MAP4K4: variants seen among roughly 807,000 people sequenced by gnomAD.
MAP4K4 encodes the protein mitogen-activated protein kinase kinase kinase kinase 4.
MAP4K4 carries 38 observed loss-of-function variants against 189.6 expected under a neutral mutation model. The observed-to-expected ratio is 0.20, with a 90% confidence interval of 0.15 to 0.26. The LOEUF (loss-of-function observed/expected upper bound fraction) is 0.26. Ranked by LOEUF, MAP4K4 falls within the 10% of genes least tolerant of loss-of-function variation. MAP4K4 has a pLI of 1.00. For missense variants in MAP4K4, 1,054 were observed against 1,726.9 expected, an observed-to-expected ratio of 0.61 and a Z score of 6.91; for synonymous variants, 610 against 624.3, an observed-to-expected ratio of 0.98 and a Z score of 0.34.
At chr2:101,772,915 G>A (rs1575294281) in intron 2 of MAP4K4, among the ~76,000 whole-genome samples, 1 of 152,158 alleles carries the variant, frequency 6.6e-6, no homozygotes, top group African/African-American at 2.4e-5. Context: ...AACCCATGCT[G>A]CTCACTTGCT....
rs1366406795 is a variant in MAP4K4 at position 101,725,430 on chromosome 2, CAT to C, written c.123+26895_123+26896del. ...AACAAAAAAAAACCAAAAAACAAAACATATGTTTTGTTTTCTGAAATCATTTA... is the reference window on the plus strand; with the variant it reads ...AACAAAAAAAAACCAAAAAACAAAACATGTTTTGTTTTCTGAAATCATTTA... On this transcript the variant is annotated intron_variant, in intron 2 of 32. Coordinates refer to ENST00000324219, the Ensembl canonical transcript of MAP4K4. Among the ~76,000 whole-genome samples the C allele has an allele frequency of 2.8e-4, 41 of 144,738 alleles. 1 individual carries two copies. Among genetic ancestry groups the C allele is most frequent in the Admixed American group, 2.3e-3 (33 of 14,620 alleles). The allele number at this position is 144,738 out of a possible 152,430, so 95.0% of individuals were successfully genotyped here.
At chr2:101,866,790 C>T (rs1262813407) in intron 19 of MAP4K4, among the ~76,000 whole-genome samples, 1 of 146,666 alleles carries the variant, frequency 6.8e-6, no homozygotes, top group African/African-American at 2.5e-5. Context: ...ACTGTGAGCG[C>T]TTTACAATTT....
At chr2:101,878,732 C>A (rs1442087386) in intron 27 of MAP4K4, among the ~76,000 whole-genome samples, 1 of 152,150 alleles carries the variant, frequency 6.6e-6, no homozygotes, top group Admixed American at 6.5e-5. Flanking sequence ...GTCTTATATA[C>A]CACTACTTAC....
intron 2 of MAP4K4, among the ~76,000 whole-genome samples, chr2:101,782,648 T>A (rs992464440): frequency 6.6e-6 from 1 of 152,156 alleles, no homozygotes; most frequent in Non-Finnish European, 1.5e-5. Context: ...AGTGGATCTG[T>A]GGGCTCATGT....
At chr2:101,725,862 T>G (rs2055028737) in intron 2 of MAP4K4, among the ~76,000 whole-genome samples, 1 of 152,214 alleles carries the variant, frequency 6.6e-6, no homozygotes, top group African/African-American at 2.4e-5. Context: ...GCTCTGTAGT[T>G]GATGTGGTGG....
At chr2:101,808,298 AC>A (rs1375621518) in intron 3 of MAP4K4, among the ~76,000 whole-genome samples, 1 of 151,978 alleles carries the variant, frequency 6.6e-6, no homozygotes, top group Non-Finnish European at 1.5e-5. Context: ...CAAGTGAGGG[AC>A]CCTGCGTCTT....
chr2:101,879,195 C>CA (rs61482872), intron 27 of MAP4K4, among the ~76,000 whole-genome samples: 1,806 of 66,398 alleles, frequency 0.027, 5 homozygotes, highest in Non-Finnish European at 0.034. Context: ...AGCCTGTCTC[C>CA]AAAAAAAAAA....
intron 2 of MAP4K4, among the ~76,000 whole-genome samples, chr2:101,771,784 T>A (rs2081576539): frequency 6.6e-6 from 1 of 152,228 alleles, no homozygotes; most frequent in Admixed American, 6.5e-5. Context: ...GATGGACACA[T>A]CATTTGAAGA....
At chr2:101,700,986 CATTATTAACACTTTAGAGTTTGTTT>C (rs2038293367) in intron 2 of MAP4K4, among the ~76,000 whole-genome samples, 2 of 152,004 alleles carry the variant, frequency 1.3e-5, no homozygotes, top group African/African-American at 4.8e-5. Context: ...TTTGGGATTA[CATTATTAACACTTTAGAGTTTGTTT>C]ATTGCTGCTA....
intron 2 of MAP4K4, among the ~76,000 whole-genome samples, chr2:101,730,317 T>C (rs977557799): frequency 1.3e-5 from 2 of 152,156 alleles, no homozygotes; most frequent in African/African-American, 4.8e-5. Flanking sequence ...TGGAGAAGTT[T>C]GTAAATGGGG....
At chr2:101,835,662 C>T (rs964092515) in intron 8 of MAP4K4, among the ~76,000 whole-genome samples, 2 of 152,052 alleles carry the variant, frequency 1.3e-5, no homozygotes, top group Non-Finnish European at 2.9e-5. Flanking sequence ...GAAAACTTTC[C>T]AATGTCTTTT....
At chr2:101,839,272 C>T (rs969051441) in intron 9 of MAP4K4, among the ~76,000 whole-genome samples, 1 of 152,182 alleles carries the variant, frequency 6.6e-6, no homozygotes, top group African/African-American at 2.4e-5. Flanking sequence ...TCCAAAAGAA[C>T]CAACAACTGT....
intron 2 of MAP4K4, among the ~76,000 whole-genome samples, chr2:101,734,185 G>A (rs924868558): frequency 1.3e-5 from 2 of 152,138 alleles, no homozygotes; most frequent in East Asian, 3.8e-4. Context: ...AATAGAAAAG[G>A]TTAAAGTTTT....
intron 2 of MAP4K4, among the ~76,000 whole-genome samples, chr2:101,705,408 TCAGACA>T (rs2041783576): frequency 1.4e-5 from 2 of 140,602 alleles, no homozygotes; most frequent in Non-Finnish European, 3.3e-5. Context: ...ACACTTGTGT[TCAGACA>T]CAATGAATGC....
In MAP4K4 at chr2:101,865,056, T is replaced by G; in HGVS notation, c.2204+20T>G. 1 of 1,438,524 alleles carries G rather than the reference T, an allele frequency of 7.0e-7. No homozygotes were observed. The highest frequency in any genetic ancestry group is 9.6e-7 in the Non-Finnish European group (1 of 1,043,878). 89.1% of individuals were successfully genotyped at this position (1,438,524 alleles called of 1,614,324 possible). ...CACCAGGTAAAAGACAAGTGAGCACTGAGAACAGGCCTTCTGTGCAGTCTA... is the reference window on the plus strand; with the variant it reads ...CACCAGGTAAAAGACAAGTGAGCACGGAGAACAGGCCTTCTGTGCAGTCTA... On this transcript the variant is annotated intron_variant, in intron 18 of 32. Transcript: ENST00000324219.
chr2:101,766,579 A>C (rs187366674), intron 2 of MAP4K4, among the ~76,000 whole-genome samples: 2 of 150,188 alleles, frequency 1.3e-5, no homozygotes, highest in East Asian at 3.9e-4. Context: ...ACCAATTTCC[A>C]GCTTTATTCA....
rs1249271921 is a variant in MAP4K4, at chr2:101,887,074, T to C, written c.3622-14T>C. 1.3e-6 allele frequency: 2 copies of C among 1,505,174 alleles called. No individual in the cohort carries two copies. Among genetic ancestry groups the C allele is most frequent in the Non-Finnish European group, 1.8e-6 (2 of 1,120,998 alleles). The allele number at this position is 1,505,174 out of a possible 1,614,324, so 93.2% of individuals were successfully genotyped here. On this transcript the variant is annotated splice_polypyrimidine_tract_variant and intron_variant, in intron 29 of 32. Transcript: ENST00000324219. Reference sequence around the variant, plus strand: ...CTCCTTCATCTTCTCACTTCTCTTATGGCTTCTTTGCAGTCATTTGGAGAA... The same window carrying C: ...CTCCTTCATCTTCTCACTTCTCTTACGGCTTCTTTGCAGTCATTTGGAGAA...
intron 2 of MAP4K4, among the ~76,000 whole-genome samples, chr2:101,708,964 T>G (rs1437493038): frequency 1.3e-5 from 2 of 152,212 alleles, no homozygotes; most frequent in Admixed American, 6.5e-5. Context: ...TGTACCACAT[T>G]TGTTACCTGT....
At chr2:101,776,240 G>A (rs974731118) in intron 2 of MAP4K4, among the ~76,000 whole-genome samples, 9 of 152,136 alleles carry the variant, frequency 5.9e-5, no homozygotes, top group African/African-American at 1.4e-4. Context: ...AAAACTCCCA[G>A]CAACAACAAC....
Sources: gnomAD v4.1 joint callset for allele counts (sites outside exome capture counted in the v4.1 genomes callset) on GRCh38, gnomAD v4.1.1 for gene constraint, MANE v1.5 for transcripts, NCBI Gene and HGNC (gene_info 2026-07-23, HGNC 2026-07-21) for gene names.